Variants in CPQ observed in about 807,000 individuals in gnomAD.
CPQ encodes the protein carboxypeptidase Q, also known as Ser-Met dipeptidase.
A neutral mutation model predicts 45.7 loss-of-function variants in CPQ; 37 were observed. The ratio of observed to expected loss-of-function variants is 0.81; its 90% CI spans 0.62 to 1.07. The LOEUF (loss-of-function observed/expected upper bound fraction) is 1.07. Among genes scored for constraint, CPQ ranks in the 50% least tolerant of loss-of-function variants. The pLI is 0.00. For missense variants in CPQ, 537 were observed against 572.9 expected, an observed-to-expected ratio of 0.94 and a Z score of 0.64; for synonymous variants, 186 against 205.8, an observed-to-expected ratio of 0.90 and a Z score of 0.82.
At chr8:96,896,168 T>C (rs529935231) in intron 4 of CPQ, among the ~76,000 whole-genome samples, 1 of 152,238 alleles carries the variant, frequency 6.6e-6, no homozygotes, top group African/African-American at 2.4e-5. Context: ...ACAATAGAGA[T>C]GCTATCTTAA....
At chr8:96,701,392 G>T (rs1809458014) in intron 1 of CPQ, among the ~76,000 whole-genome samples, 1 of 152,174 alleles carries the variant, frequency 6.6e-6, no homozygotes, top group South Asian at 2.1e-4. Flanking sequence ...GTAAATCAAG[G>T]ACTAATGGCT....
rs374784327 is a variant in CPQ at position 97,034,051 on chromosome 8, G to A, written c.1053+4557G>A. On this transcript the variant is annotated intron_variant, in intron 6 of 7. Coordinates refer to ENST00000220763, the MANE Select transcript of CPQ (RefSeq NM_016134.4). ...CATATCAGCTCAATTATTATAATAC[G>A]TGCTAGAATTTACTAAATTTACTAA... Among the ~76,000 whole-genome samples, 21 of 152,018 alleles carry A rather than the reference G, an allele frequency of 1.4e-4. No homozygotes were observed. In the East Asian group the frequency reaches 2.7e-3, roughly 20 times the overall value.
intron 3 of CPQ, among the ~76,000 whole-genome samples, chr8:96,840,654 T>A (rs1402474874): frequency 6.6e-6 from 1 of 152,136 alleles, no homozygotes; most frequent in African/African-American, 2.4e-5. Flanking sequence ...GAAGGACAGG[T>A]TACTCCTCTA....
chr8:96,815,476 T>C (rs1811215598), intron 2 of CPQ, among the ~76,000 whole-genome samples: 1 of 151,448 alleles, frequency 6.6e-6, no homozygotes, highest in Non-Finnish European at 1.5e-5. Context: ...AGGTCAGACC[T>C]GAGGAAAGCA....
At chr8:97,141,918 T>A (rs527250886) in intron 7 of CPQ, among the ~76,000 whole-genome samples, 2 of 152,314 alleles carry the variant, frequency 1.3e-5, no homozygotes, top group Non-Finnish European at 2.9e-5. Context: ...TCTGTACACG[T>A]ATAATTGTTA....
chr8:96,685,029 G>A (rs1809207046), intron 1 of CPQ, among the ~76,000 whole-genome samples: 1 of 152,082 alleles, frequency 6.6e-6, no homozygotes. Context: ...ACTTGAACCT[G>A]GGAGGCGGAG....
chr8:97,009,012 GAA>G (rs1239660746), intron 5 of CPQ, among the ~76,000 whole-genome samples: 3 of 152,250 alleles, frequency 2.0e-5, no homozygotes, highest in Non-Finnish European at 4.4e-5. Flanking sequence ...CTGGTTGGCT[GAA>G]GTTTTGGCCA....
At chr8:96,652,870 G>A (rs1332093013) in intron 1 of CPQ, among the ~76,000 whole-genome samples, 1 of 152,174 alleles carries the variant, frequency 6.6e-6, no homozygotes, top group African/African-American at 2.4e-5. Flanking sequence ...TCCTGACCTC[G>A]TGATCCGCCC....
At chr8:97,058,854 T>C (rs1810499099) in intron 6 of CPQ, among the ~76,000 whole-genome samples, 1 of 152,172 alleles carries the variant, frequency 6.6e-6, no homozygotes, top group South Asian at 2.1e-4. Context: ...GAAGCTGAAA[T>C]AGATATCAAT....
At chr8:96,897,574 A>T (rs1812459740) in intron 4 of CPQ, among the ~76,000 whole-genome samples, 1 of 152,218 alleles carries the variant, frequency 6.6e-6, no homozygotes, top group Non-Finnish European at 1.5e-5. Flanking sequence ...CAATTGTTTC[A>T]TGTACAAAAT....
intron 4 of CPQ, among the ~76,000 whole-genome samples, chr8:96,933,891 C>A (rs1299073062): frequency 6.6e-6 from 1 of 152,182 alleles, no homozygotes; most frequent in Non-Finnish European, 1.5e-5. Context: ...TGGCCTTGAG[C>A]AAATCACTTG....
chr8:96,925,174 C>T lies in CPQ; in HGVS notation c.850-40761C>T, dbSNP rs145126542. Among the ~76,000 whole-genome samples, 87 of 152,254 alleles carry T rather than the reference C, an allele frequency of 5.7e-4. 1 individual carries two copies. Among genetic ancestry groups the T allele is most frequent in the African/African-American group, 2.1e-3 (86 of 41,542 alleles). On this transcript the variant is annotated intron_variant, in intron 4 of 7. Coordinates refer to ENST00000220763, the MANE Select transcript of CPQ (RefSeq NM_016134.4). Reference sequence around the variant, plus strand: ...AGGTTATGAAAAGAATGCAAGAATGCCTCTCTTTTCTCTCCATTTATCCAA... The same window carrying T: ...AGGTTATGAAAAGAATGCAAGAATGTCTCTCTTTTCTCTCCATTTATCCAA...
intron 3 of CPQ, among the ~76,000 whole-genome samples, chr8:96,861,857 A>G (rs1181309292): frequency 6.6e-6 from 1 of 152,088 alleles, no homozygotes; most frequent in Non-Finnish European, 1.5e-5. Context: ...GGAAATACAA[A>G]CAAATATTGT....
intron 4 of CPQ, among the ~76,000 whole-genome samples, chr8:96,904,444 G>A (rs1484406349): frequency 6.6e-6 from 1 of 152,122 alleles, no homozygotes; most frequent in Non-Finnish European, 1.5e-5. Flanking sequence ...AATGGCAAAA[G>A]ACCCTTGTTA....
rs191582919 is a variant in CPQ at position 97,093,935 on chromosome 8, A to G, written c.1255+27725A>G. ...TTTTGTGGTATCCTAAATTCACTGA[A>G]TTAGTATTTATTGTAGGACTCCCAT... On this transcript the variant is annotated intron_variant, in intron 7 of 7. Coordinates refer to ENST00000220763, the MANE Select transcript of CPQ (RefSeq NM_016134.4). Among the ~76,000 whole-genome samples the G allele has an allele frequency of 1.7e-3, 253 of 152,306 alleles. 3 individuals are homozygous for G. Among genetic ancestry groups the G allele is most frequent in the Admixed American group, 0.013 (196 of 15,298 alleles).
At position 96,880,573 on chromosome 8, in the gene CPQ, A is replaced by ATATATATATATG. The variant is rs1812210640; in HGVS notation, c.849+572_849+573insTATATATGTATA. ...TATATATATATATATATATATATAT[A>ATATATATATATG]TATACCATGGAATACTACCCAGCCA... On this transcript the variant is annotated intron_variant, in intron 4 of 7. Coordinates refer to ENST00000220763, the MANE Select transcript of CPQ (RefSeq NM_016134.4). Among the ~76,000 whole-genome samples the ATATATATATATG allele has an allele frequency of 2.8e-5, 3 of 108,966 alleles. 1 individual carries two copies. Among genetic ancestry groups the ATATATATATATG allele is most frequent in the African/African-American group, 1.1e-4 (3 of 27,910 alleles). 71.5% of individuals were successfully genotyped at this position (108,966 alleles called of 152,430 possible). A position where few individuals can be genotyped will look rare whatever the true frequency, so the allele number is the denominator to read the frequency against.
intron 3 of CPQ, among the ~76,000 whole-genome samples, chr8:96,876,089 T>C (rs1812141447): frequency 6.6e-6 from 1 of 152,054 alleles, no homozygotes; most frequent in African/African-American, 2.4e-5. Flanking sequence ...ATTTTCAGAT[T>C]ACTCTTTGCT....
At chr8:96,823,101 A>T (rs568447028) in intron 2 of CPQ, among the ~76,000 whole-genome samples, 3 of 152,076 alleles carry the variant, frequency 2.0e-5, no homozygotes, top group African/African-American at 7.2e-5. Context: ...AGTGACCAGG[A>T]TAAAGACATG....
At chr8:96,806,337 A>T (rs1343843865) in intron 2 of CPQ, among the ~76,000 whole-genome samples, 1 of 152,192 alleles carries the variant, frequency 6.6e-6, no homozygotes, top group Non-Finnish European at 1.5e-5. Flanking sequence ...AGAAACTCTA[A>T]GTACTAATGA....
Sources: allele counts gnomAD v4.1 joint callset (sites outside exome capture counted in the v4.1 genomes callset), GRCh38; gene constraint gnomAD v4.1.1; transcripts MANE v1.5; gene names NCBI Gene and HGNC (gene_info 2026-07-23, HGNC 2026-07-21).